The following SYT9 variants were observed in gnomAD, a reference collection of about 807,000 sequenced individuals.
SYT9 encodes synaptotagmin 9, also known as synaptotagmin-9.
In SYT9, 22 loss-of-function variants were observed where a neutral mutation model predicts 48.4. The ratio of observed to expected loss-of-function variants is 0.45; its 90% CI spans 0.32 to 0.65. The LOEUF is 0.65. Ranked by LOEUF, SYT9 falls within the 30% of genes least tolerant of loss-of-function variation. SYT9 has a pLI of 0.03. For synonymous variants in SYT9, 265 were observed against 245.0 expected (o/e 1.08, Z -0.76); for missense variants, 577 against 622.0 (o/e 0.93, Z 0.77).
At chr11:7,279,806 T>C (rs1233966105) in intron 1 of SYT9, among the ~76,000 whole-genome samples, 1 of 152,194 alleles carries the variant, frequency 6.6e-6, no homozygotes, top group Admixed American at 6.5e-5. Context: ...TTATATATGA[T>C]TGTGACCCAG....
At chr11:7,394,849 C>T (rs943384363) in intron 3 of SYT9, among the ~76,000 whole-genome samples, 3 of 152,018 alleles carry the variant, frequency 2.0e-5, no homozygotes, top group Non-Finnish European at 4.4e-5. Context: ...ACTGCTTTTG[C>T]TCTCAGAGAT....
Position 7,466,778 on chromosome 11 carries a change from T to C in SYT9, c.1468-14T>C, listed in dbSNP as rs1424183553. On this transcript the variant is annotated splice_polypyrimidine_tract_variant and intron_variant, in intron 6 of 6. Coordinates refer to ENST00000318881, the MANE Select transcript of SYT9 (RefSeq NM_175733.4). ...ATGAAAGCCAAATTATTTTTTTGTTTTTTCTTCCTGCAGAAACGATGACCA... is the reference window on the plus strand; with the variant it reads ...ATGAAAGCCAAATTATTTTTTTGTTCTTTCTTCCTGCAGAAACGATGACCA... The C allele has an allele frequency of 1.2e-6, 2 of 1,611,686 alleles. No homozygotes were observed. The highest frequency in any genetic ancestry group is 1.7e-6 in the Non-Finnish European group (2 of 1,179,334).
At chr11:7,373,568 AT>A (rs1484992438) in intron 3 of SYT9, among the ~76,000 whole-genome samples, 1 of 152,070 alleles carries the variant, frequency 6.6e-6, no homozygotes, top group African/African-American at 2.4e-5. Context: ...TTTGTATTTT[AT>A]TTTGGAATAA....
At chr11:7,364,378 G>A (rs923199452) in intron 3 of SYT9, among the ~76,000 whole-genome samples, 4 of 152,132 alleles carry the variant, frequency 2.6e-5, no homozygotes, top group Admixed American at 2.0e-4. Flanking sequence ...AGTAGGCCTG[G>A]TCAATCAATA....
chr11:7,434,841 A>G (rs903068976), intron 6 of SYT9: 3 of 152,314 alleles, frequency 2.0e-5, no homozygotes, highest in Non-Finnish European at 4.4e-5. Context: ...TTTCAGTTGC[A>G]TTTAAAGTTT....
At chr11:7,442,340 C>T (rs1847843797) in intron 6 of SYT9, among the ~76,000 whole-genome samples, 1 of 152,198 alleles carries the variant, frequency 6.6e-6, no homozygotes, top group Non-Finnish European at 1.5e-5. Flanking sequence ...CTCTCTCCTC[C>T]CACTCTTCTG....
chr11:7,344,893 C>G (rs1054633679), intron 3 of SYT9, among the ~76,000 whole-genome samples: 2 of 150,560 alleles, frequency 1.3e-5, no homozygotes, highest in Non-Finnish European at 2.9e-5. Context: ...AGGTCTTTTG[C>G]ATTTCCATAT....
chr11:7,431,238 T>G (rs1847564323), intron 6 of SYT9, among the ~76,000 whole-genome samples: 1 of 152,216 alleles, frequency 6.6e-6, no homozygotes, highest in Non-Finnish European at 1.5e-5. Context: ...CTCGGTTGTA[T>G]TGTGTCCATA....
chr11:7,391,755 A>C lies in SYT9; in HGVS notation c.1045-24287A>C, dbSNP rs1197310043. Among the ~76,000 whole-genome samples the C allele has an allele frequency of 3.0e-3, 441 of 147,664 alleles. 8 individuals are homozygous for C. The highest frequency in any genetic ancestry group is 8.8e-3 in the African/African-American group (356 of 40,596). On this transcript the variant is annotated intron_variant, in intron 3 of 6. Coordinates refer to ENST00000318881, the MANE Select transcript of SYT9 (RefSeq NM_175733.4). ...ATCTCTAAAAAAAAAAAAAAAAAAA[A>C]AAAAAAAAAACCTAGCTAGGCGTGG...
intron 1 of SYT9, among the ~76,000 whole-genome samples, chr11:7,299,988 C>T (rs1848889009): frequency 6.6e-6 from 1 of 152,168 alleles, no homozygotes; most frequent in Admixed American, 6.5e-5. Context: ...TATGATGACC[C>T]TACATCCTAA....
chr11:7,378,037 G>A (rs879945306), intron 3 of SYT9, among the ~76,000 whole-genome samples: 2 of 151,850 alleles, frequency 1.3e-5, no homozygotes, highest in Non-Finnish European at 2.9e-5. Flanking sequence ...TAGGAACATA[G>A]GCAGAGAATT....
At chr11:7,256,330 G>A (rs754517674) in intron 1 of SYT9, among the ~76,000 whole-genome samples, 27 of 152,224 alleles carry the variant, frequency 1.8e-4, no homozygotes, top group Middle Eastern at 6.8e-3. Flanking sequence ...GTTAGAATTG[G>A]AGATCTCAGT....
intron 3 of SYT9, among the ~76,000 whole-genome samples, chr11:7,399,300 T>A (rs545413580): frequency 6.6e-6 from 1 of 152,234 alleles, no homozygotes; most frequent in East Asian, 1.9e-4. Context: ...GAAGTTAATT[T>A]AAAAAATTGA....
At chr11:7,381,817 A>G (rs1230589174) in intron 3 of SYT9, among the ~76,000 whole-genome samples, 2 of 152,106 alleles carry the variant, frequency 1.3e-5, no homozygotes, top group African/African-American at 4.8e-5. Flanking sequence ...TCTTTGTGTT[A>G]TTGTTATTAT....
intron 3 of SYT9, among the ~76,000 whole-genome samples, chr11:7,315,907 C>A (rs1162584000): frequency 6.6e-6 from 1 of 152,220 alleles, no homozygotes; most frequent in East Asian, 1.9e-4. Flanking sequence ...CTTCAGATTT[C>A]TCAGTTGTTT....
intron 3 of SYT9, among the ~76,000 whole-genome samples, chr11:7,378,777 A>T (rs142318915): frequency 2.0e-5 from 3 of 152,272 alleles, no homozygotes; most frequent in African/African-American, 7.2e-5. Flanking sequence ...TTTAGAAGGC[A>T]TCTTTACTAG....
At chr11:7,247,488 CACACATATATAT>C (rs1313744513), upstream of SYT9, among the ~76,000 whole-genome samples, 1 of 149,648 alleles carries the variant, frequency 6.7e-6, no homozygotes, top group East Asian at 2.0e-4. Flanking sequence ...TATATATACA[CACACATATATAT>C]ACACATATAT....
chr11:7,330,277 C>T (rs997689696), intron 3 of SYT9, among the ~76,000 whole-genome samples: 2 of 151,988 alleles, frequency 1.3e-5, no homozygotes, highest in Non-Finnish European at 2.9e-5. Context: ...GGGTATAATG[C>T]TAAGTGAAAA....
At chr11:7,357,938 T>C (rs1021671517) in intron 3 of SYT9, among the ~76,000 whole-genome samples, 3 of 152,132 alleles carry the variant, frequency 2.0e-5, no homozygotes, top group African/African-American at 7.2e-5. Flanking sequence ...GCTCATTAAG[T>C]CATTCAAAAA....
Sources: allele counts gnomAD v4.1 joint callset (sites outside exome capture counted in the v4.1 genomes callset), GRCh38; gene constraint gnomAD v4.1.1; transcripts MANE v1.5; gene names NCBI Gene and HGNC (gene_info 2026-07-23, HGNC 2026-07-21).